The following MYO1E variants were observed in gnomAD, a reference collection of about 807,000 sequenced individuals.
MYO1E encodes the protein unconventional myosin-Ie.
Under a neutral mutation model 151.1 loss-of-function variants are expected in MYO1E, and 68 were observed. That is an observed-to-expected ratio of 0.45 (90% CI 0.37 to 0.55). MYO1E has a LOEUF of 0.55. Among genes scored for constraint, MYO1E ranks in the 20% least tolerant of loss-of-function variants. MYO1E has a pLI of 0.00. For synonymous variants in MYO1E, 601 were observed against 501.7 expected, an observed-to-expected ratio of 1.20 and a Z score of -2.64; for missense variants, 1,363 against 1,389.3, an observed-to-expected ratio of 0.98 and a Z score of 0.30.
rs151264338 is a variant in MYO1E at position 59,162,406 on chromosome 15, C to T, written c.2627+751G>A. 6.3e-3 allele frequency among the ~76,000 whole-genome samples: 952 copies of T among 152,066 alleles called. 2 individuals carry two copies. Among genetic ancestry groups the T allele is most frequent in the Non-Finnish European group, 8.7e-3 (592 of 67,978 alleles). On this transcript the variant is annotated intron_variant, in intron 23 of 27. Coordinates refer to ENST00000288235, the MANE Select transcript of MYO1E (RefSeq NM_004998.4). ...AGCCTGTGATCCCAGCACTTTGGGA[C>T]GCCGAGGCGGGTGGATCACTTGAGG...
Position 59,219,041 on chromosome 15 carries a change from A to T in MYO1E, c.911-954T>A, listed in dbSNP as rs575014213. ...CTGATGGCTAATAAAGAGGGGCATTATAAGAAGATTCCTCTGAGGGTAGCA... is the reference window on the plus strand; with the variant it reads ...CTGATGGCTAATAAAGAGGGGCATTTTAAGAAGATTCCTCTGAGGGTAGCA... On this transcript the variant is annotated intron_variant, in intron 9 of 27. Transcript: ENST00000288235. Among the ~76,000 whole-genome samples, 3 of 152,330 alleles carry T rather than the reference A, an allele frequency of 2.0e-5. No individual in the cohort carries two copies. The South Asian group carries it at 6.2e-4, about 32-fold the overall frequency.
chr15:59,300,682 T>C (rs2080476822), intron 1 of MYO1E, among the ~76,000 whole-genome samples: 1 of 152,088 alleles, frequency 6.6e-6, no homozygotes, highest in South Asian at 2.1e-4. Context: ...GGGGTTCCCA[T>C]TAAAAAAGAA....
intron 2 of MYO1E, among the ~76,000 whole-genome samples, chr15:59,270,713 G>C (rs530849855): frequency 7.9e-5 from 12 of 151,252 alleles, no homozygotes; most frequent in African/African-American, 2.9e-4. Flanking sequence ...ATTTTGGCTT[G>C]CTGCAATCTC....
chr15:59,220,519 C>T (rs1404120688), intron 9 of MYO1E, among the ~76,000 whole-genome samples: 1 of 152,094 alleles, frequency 6.6e-6, no homozygotes, highest in Non-Finnish European at 1.5e-5. Flanking sequence ...CTTTAGTAGG[C>T]CAGTTCTGAT....
At chr15:59,211,573 T>C (rs1037667707) in intron 12 of MYO1E, among the ~76,000 whole-genome samples, 1 of 152,114 alleles carries the variant, frequency 6.6e-6, no homozygotes, top group Non-Finnish European at 1.5e-5. Context: ...ATTCTACAGA[T>C]TGGAATCTTC....
At chr15:59,182,194 C>G (rs986249123) in intron 18 of MYO1E, among the ~76,000 whole-genome samples, 1 of 152,038 alleles carries the variant, frequency 6.6e-6, no homozygotes, top group Non-Finnish European at 1.5e-5. Context: ...AACTTTGATT[C>G]TCCTCCCAGT....
chr15:59,339,494 C>T (rs1413234866), intron 1 of MYO1E, among the ~76,000 whole-genome samples: 1 of 152,182 alleles, frequency 6.6e-6, no homozygotes, highest in African/African-American at 2.4e-5. Flanking sequence ...AGTAGTCCAG[C>T]CTCCTATTGA....
chr15:59,248,972 T>C lies in MYO1E; in HGVS notation c.332+7312A>G, dbSNP rs371811426. ...TATGCAATAATGAATTGGGGTCTGA[T>C]TCACACTTCCTTGTGAGTTTGCTTG... On this transcript the variant is annotated intron_variant, in intron 4 of 27. Transcript: ENST00000288235. Among the ~76,000 whole-genome samples, 14 of 152,226 alleles carry C rather than the reference T, an allele frequency of 9.2e-5. No homozygotes were observed. The East Asian group carries it at 1.3e-3, about 15-fold the overall frequency.
chr15:59,183,506 GT>G (rs1330555520), intron 18 of MYO1E, among the ~76,000 whole-genome samples: 2 of 151,806 alleles, frequency 1.3e-5, no homozygotes, highest in Admixed American at 6.6e-5. Flanking sequence ...GGACTGATAA[GT>G]TTTTTTTGGG....
chr15:59,240,385 T>G (rs775419993), intron 4 of MYO1E, among the ~76,000 whole-genome samples: 16 of 151,800 alleles, frequency 1.1e-4, no homozygotes, highest in African/African-American at 3.1e-4. Context: ...TGTCTGTGTG[T>G]GGGGGGGGTC....
At chr15:59,238,324 G>A (rs776485504) in intron 4 of MYO1E, among the ~76,000 whole-genome samples, 1 of 152,148 alleles carries the variant, frequency 6.6e-6, no homozygotes, top group Non-Finnish European at 1.5e-5. Flanking sequence ...TGTAAACAAT[G>A]TAAACATTCA....
At chr15:59,145,070 T>C (rs2079433682) in intron 26 of MYO1E, among the ~76,000 whole-genome samples, 1 of 152,174 alleles carries the variant, frequency 6.6e-6, no homozygotes, top group South Asian at 2.1e-4. Context: ...CTTGAACTCC[T>C]GACCTCAACT....
chr15:59,231,821 A>G, intron 5 of MYO1E, 30 bp from the exon 6 acceptor site: 2 of 1,606,170 alleles, frequency 1.2e-6, no homozygotes, highest in Non-Finnish European at 1.7e-6. Flanking sequence ...GGAGGTTAGG[A>G]AGGTGTGAAC....
At chr15:59,197,946 T>C (rs1248786672) in intron 16 of MYO1E, among the ~76,000 whole-genome samples, 2 of 152,220 alleles carry the variant, frequency 1.3e-5, no homozygotes, top group Non-Finnish European at 2.9e-5. Flanking sequence ...ACTGGAGCCT[T>C]GGCCTCCCAA....
intron 6 of MYO1E, among the ~76,000 whole-genome samples, chr15:59,228,211 G>A (rs1397211123): frequency 2.0e-5 from 3 of 152,034 alleles, no homozygotes; most frequent in African/African-American, 4.8e-5. Context: ...AGCCAGGCGC[G>A]GTGGCTCACG....
intron 26 of MYO1E, among the ~76,000 whole-genome samples, chr15:59,152,985 A>T (rs1321176678): frequency 6.6e-6 from 1 of 151,906 alleles, no homozygotes; most frequent in Admixed American, 6.6e-5. Context: ...CATCCCTACG[A>T]CTCCACAGGA....
chr15:59,179,405 C>T (rs781215586), intron 18 of MYO1E, among the ~76,000 whole-genome samples: 21 of 152,280 alleles, frequency 1.4e-4, no homozygotes, highest in Middle Eastern at 3.4e-3. Flanking sequence ...TCCAGGAGAC[C>T]GGATGCCACA....
intron 14 of MYO1E, chr15:59,207,888 TAGG>T: frequency 6.2e-7 from 1 of 1,614,196 alleles, no homozygotes; most frequent in Non-Finnish European, 8.5e-7. Flanking sequence ...TGAAGAATCT[TAGG>T]AGAATACATC....
At chr15:59,178,907 CA>C (rs1481634514) in intron 18 of MYO1E, among the ~76,000 whole-genome samples, 1 of 152,228 alleles carries the variant, frequency 6.6e-6, no homozygotes, top group Non-Finnish European at 1.5e-5. Flanking sequence ...CTGACTTCTT[CA>C]GGGCATTTAA....
Sources: allele counts gnomAD v4.1 joint callset (sites outside exome capture counted in the v4.1 genomes callset), GRCh38; gene constraint gnomAD v4.1.1; transcripts MANE v1.5; gene names NCBI Gene and HGNC (gene_info 2026-07-23, HGNC 2026-07-21).